EVC2: variants seen among roughly 807,000 people sequenced by gnomAD.
The protein encoded by EVC2 is limbin.
EVC2 carries 148 observed loss-of-function variants against 149.3 expected under a neutral mutation model. That is an observed-to-expected ratio of 0.99 (90% CI 0.87 to 1.14). The LOEUF (loss-of-function observed/expected upper bound fraction) is 1.14, where lower values mean the gene tolerates loss of function less well. EVC2 is among the 50% of genes most tolerant of loss of function. The pLI is 0.00. For synonymous variants in EVC2, 776 were observed against 649.9 expected (o/e 1.19, Z -2.95); for missense variants, 1,854 against 1,627.3 (o/e 1.14, Z -2.40).
At chr4:5,587,381 G>T (rs1221438226) in intron 16 of EVC2, among the ~76,000 whole-genome samples, 1 of 152,134 alleles carries the variant, frequency 6.6e-6, no homozygotes, top group East Asian at 1.9e-4. Flanking sequence ...TTTGTGTCTG[G>T]CTTCTTTTAC....
In EVC2 at chr4:5,679,087, CGTATAGGAAAT is replaced by C; in HGVS notation, c.870+2162_870+2172del. On this transcript the variant is annotated intron_variant, in intron 7 of 21. Coordinates refer to ENST00000344408, the MANE Select transcript of EVC2 (RefSeq NM_147127.5). The surrounding 1 kb of genome is among the most constrained non-coding windows in gnomAD (Gnocchi z 5.1). ...CAAAAGACAAAAAAAAAAATACACTCGTATAGGAAATGTATCATAACTCGAGCTTGCAGGTC... is the reference window on the plus strand; with the variant it reads ...CAAAAGACAAAAAAAAAAATACACTCGTATCATAACTCGAGCTTGCAGGTC... 6.6e-6 allele frequency among the ~76,000 whole-genome samples: 1 copy of C among 151,702 alleles called. No homozygotes were observed. The highest frequency in any genetic ancestry group is 3.2e-3 in the Middle Eastern group (1 of 314).
chr4:5,551,100 G>A (rs183324128), intron 21 of EVC2, among the ~76,000 whole-genome samples: 377 of 152,338 alleles, frequency 2.5e-3, no homozygotes, highest in African/African-American at 8.5e-3. Context: ...AGGAAAATGT[G>A]GGGTTGGAGC....
In EVC2 at chr4:5,679,236, CATTT is replaced by C. The variant is rs887243458; in HGVS notation, c.870+2020_870+2023del. On this transcript the variant is annotated intron_variant, in intron 7 of 21. Transcript: ENST00000344408. This position sits in a 1 kb window ranked among gnomAD's most constrained non-coding sequence, Gnocchi z 5.1. ...AACACTGTACCCTTAGGCTACACTA[CATTT>C]ATTTATTTATGTTGAGACAGAGTCT... Among the ~76,000 whole-genome samples, 1 of 151,780 alleles carries C rather than the reference CATTT, an allele frequency of 6.6e-6. No homozygotes were observed. The highest frequency in any genetic ancestry group is 6.6e-5 in the Admixed American group (1 of 15,214).
At chr4:5,628,511 A>C (rs1716288320) in intron 12 of EVC2, 48 bp downstream of exon 12, 1 of 1,608,262 alleles carries the variant, frequency 6.2e-7, no homozygotes, top group Non-Finnish European at 8.5e-7. Context: ...ATAGCAGCAG[A>C]AAACAGACTA....
In EVC2 at chr4:5,686,107, C is replaced by T. The variant is rs961296479; in HGVS notation, c.707-628G>A. Among the ~76,000 whole-genome samples, 11 of 78,962 alleles carry T rather than the reference C, an allele frequency of 1.4e-4. No individual in the cohort carries two copies. Among genetic ancestry groups the T allele is most frequent in the African/African-American group, 5.7e-4 (8 of 13,996 alleles). The allele number at this position is 78,962 out of a possible 152,430, so 51.8% of individuals were successfully genotyped here. On this transcript the variant is annotated intron_variant, in intron 5 of 21. Coordinates refer to ENST00000344408, the MANE Select transcript of EVC2 (RefSeq NM_147127.5). This position sits in a 1 kb window ranked among gnomAD's most constrained non-coding sequence, Gnocchi z 5.4. ...CACACATATATATTACACACACACA[C>T]ACACACACACACACACACACAGAGT...
Position 5,576,243 on chromosome 4 carries a change from T to G in EVC2, c.3269A>C (p.Gln1090Pro), listed in dbSNP as rs140506709. Reference protein sequence around the residue: ...KSQTLLEQHQQCLREEQQNSV... With the variant: ...KSQTLLEQHQPCLREEQQNSV... ...TGCTACGGGGCACACGGCATACCAC[T>G]GCTGATGTTGCTCCAGTAATGTCTG... The change falls in exon 18 of 22, where the codon CAG becomes CCG. Residue 1090 changes from glutamine (Q) to proline (P), a missense_variant. Coordinates refer to ENST00000344408, the MANE Select transcript of EVC2 (RefSeq NM_147127.5). The surrounding 1 kb of genome is among the most constrained non-coding windows in gnomAD (Gnocchi z 4.5). 1.8e-5 allele frequency: 29 copies of G among 1,614,074 alleles called. No individual in the cohort carries two copies. The African/African-American group carries it at 3.5e-4, about 19-fold the overall frequency.
In EVC2 at chr4:5,568,487, C is replaced by T. The variant is rs779239935; in HGVS notation, c.3514G>A (p.Glu1172Lys). 9 of 1,582,690 alleles carry T rather than the reference C, an allele frequency of 5.7e-6. No homozygotes were observed. The African/African-American group carries it at 1.2e-4, about 21-fold the overall frequency. ...GCCTGCTCCGCTCCGCCATCGCTCT[C>T]AGCTGCGTGGTCCACATGTCTCTCG... ...ATERHVDHAAESDGGAEQADV... is the reference protein window; with the variant it reads ...ATERHVDHAAKSDGGAEQADV... Residue 1172 changes from glutamate to lysine, a missense_variant, in exon 20 of 22, where the codon GAG (glutamate) becomes AAG (lysine). Transcript: ENST00000344408.
At chr4:5,602,336 T>A (rs112420403) in intron 16 of EVC2, among the ~76,000 whole-genome samples, 72 of 146,980 alleles carry the variant, frequency 4.9e-4, no homozygotes, top group African/African-American at 1.7e-3. Flanking sequence ...TGGATTAAAT[T>A]GATGATAAAT....
intron 16 of EVC2, among the ~76,000 whole-genome samples, chr4:5,597,145 G>T (rs1208745227): frequency 6.6e-6 from 1 of 152,118 alleles, no homozygotes; most frequent in African/African-American, 2.4e-5. Context: ...GTAGAAGGAG[G>T]AACTGGTACC....
intron 21 of EVC2, among the ~76,000 whole-genome samples, chr4:5,545,321 A>G (rs927472473): frequency 6.6e-6 from 1 of 152,222 alleles, no homozygotes; most frequent in Admixed American, 6.5e-5. Context: ...GGAAGTCAGT[A>G]TGGTGTGTTA....
Position 5,640,521 on chromosome 4 carries a change from CCAGCACGTTTCAG to C in EVC2, c.1450_1462del (p.Leu484ValfsTer6). The C allele has an allele frequency of 6.2e-7, 1 of 1,614,150 alleles. No individual in the cohort carries two copies. The highest frequency in any genetic ancestry group is 8.5e-7 in the Non-Finnish European group (1 of 1,180,028). ...CTTTCAGACCTGTCTTACCCTCTCA[CCAGCACGTTTCAG>C]CAACTCTTCTGCTTCCTCCATTGCC... is the stretch of plus-strand genomic sequence containing the variant. On this transcript the variant is annotated frameshift_variant, in exon 10 of 22. Transcript: ENST00000344408. LOFTEE classifies it high-confidence loss of function. The surrounding 1 kb of genome is among the most constrained non-coding windows in gnomAD (Gnocchi z 4.6).
chr4:5,623,223 C>T (rs1199042250), intron 13 of EVC2, among the ~76,000 whole-genome samples: 1 of 152,204 alleles, frequency 6.6e-6, no homozygotes, highest in Non-Finnish European at 1.5e-5. Flanking sequence ...GCAATCTCCA[C>T]CTCCTGGGTT....
Position 5,640,412 on chromosome 4 carries a change from G to C in EVC2, c.1470+102C>G, listed in dbSNP as rs1320029313. 2.2e-6 allele frequency: 3 copies of C among 1,359,552 alleles called. No individual in the cohort carries two copies. Among genetic ancestry groups the C allele is most frequent in the African/African-American group, 2.9e-5 (2 of 69,340 alleles). 84.2% of individuals were successfully genotyped at this position (1,359,552 alleles called of 1,614,324 possible). Reference sequence around the variant, plus strand: ...TGGGTGGTTGGATGGATGATGGGTAGACGGATGGAGGAGGCAAATGGACAG... The same window carrying C: ...TGGGTGGTTGGATGGATGATGGGTACACGGATGGAGGAGGCAAATGGACAG... On this transcript the variant is annotated intron_variant, in intron 10 of 21. Coordinates refer to ENST00000344408, the MANE Select transcript of EVC2 (RefSeq NM_147127.5). This position sits in a 1 kb window ranked among gnomAD's most constrained non-coding sequence, Gnocchi z 4.6.
chr4:5,543,978 G>A (rs913683072), intron 21 of EVC2, among the ~76,000 whole-genome samples: 2 of 152,162 alleles, frequency 1.3e-5, no homozygotes, highest in African/African-American at 2.4e-5. Context: ...GGGCACCCTC[G>A]TGACCAGTGG....
At chr4:5,582,019 G>T (rs1255293836) in intron 17 of EVC2, among the ~76,000 whole-genome samples, 1 of 152,218 alleles carries the variant, frequency 6.6e-6, no homozygotes, top group Admixed American at 6.5e-5. Flanking sequence ...AGGATATATG[G>T]AAAAGTCACA....
At chr4:5,577,971 GTCA>G (rs1230770488) in intron 17 of EVC2, among the ~76,000 whole-genome samples, 1 of 152,154 alleles carries the variant, frequency 6.6e-6, no homozygotes, top group Non-Finnish European at 1.5e-5. Flanking sequence ...GCCTGTCTGT[GTCA>G]TCAGAGGAAC....
In EVC2 at chr4:5,669,187, T is replaced by G. The variant is rs1719471368; in HGVS notation, c.871-3538A>C. Among the ~76,000 whole-genome samples, 6 of 152,330 alleles carry G rather than the reference T, an allele frequency of 3.9e-5. No individual in the cohort carries two copies. The South Asian group carries it at 1.2e-3, about 32-fold the overall frequency. Reference sequence around the variant, plus strand: ...CCTGCCTACACCTTAATTTCAGACTTCCAGCCTGCAGAACTGTGAGAAAAT... The same window carrying G: ...CCTGCCTACACCTTAATTTCAGACTGCCAGCCTGCAGAACTGTGAGAAAAT... On this transcript the variant is annotated intron_variant, in intron 7 of 21. Transcript: ENST00000344408.
intron 21 of EVC2, among the ~76,000 whole-genome samples, chr4:5,555,537 C>G (rs1721823087): frequency 6.6e-6 from 1 of 151,856 alleles, no homozygotes; most frequent in Non-Finnish European, 1.5e-5. Context: ...GACTTCAGAA[C>G]AAGGAAATTT....
At chr4:5,661,955 G>T (rs552051977) in intron 9 of EVC2, among the ~76,000 whole-genome samples, 1 of 152,322 alleles carries the variant, frequency 6.6e-6, no homozygotes, top group South Asian at 2.1e-4. Flanking sequence ...CTTAAACAGT[G>T]TCTGGCACTA....
Sources: gnomAD v4.1 joint callset for allele counts (sites outside exome capture counted in the v4.1 genomes callset) on GRCh38, gnomAD v4.1.1 for gene constraint, Gnocchi (gnomAD v3.1) non-coding constraint, MANE v1.5 for transcripts, NCBI Gene and HGNC (gene_info 2026-07-23, HGNC 2026-07-21) for gene names.